The following DIP2A variants were observed in gnomAD, a reference collection of about 807,000 sequenced individuals.
DIP2A encodes disco-interacting protein 2 homolog A.
DIP2A carries 85 observed loss-of-function variants against 177.4 expected under a neutral mutation model. That is an observed-to-expected ratio of 0.48 (90% CI 0.40 to 0.57). The LOEUF is 0.57. Ranked by LOEUF, DIP2A falls within the 20% of genes least tolerant of loss-of-function variation. The pLI is 0.00. For missense variants in DIP2A, 1,791 were observed against 2,100.2 expected (o/e 0.85, Z 2.88); for synonymous variants, 886 against 881.8 (o/e 1.00, Z -0.08).
At chr21:46,573,177 G>A (rs7283908), downstream of DIP2A, among the ~76,000 whole-genome samples, 111,989 of 151,892 alleles carry the variant, frequency 0.74, 41,843 homozygotes, top group African/African-American at 0.86. Flanking sequence ...AGAAATGAAA[G>A]AGATATAAGG....
Position 46,551,926 on chromosome 21 carries a change from G to A in DIP2A, c.3030+22G>A, listed in dbSNP as rs200257829. 2.9e-4 allele frequency: 453 copies of A among 1,579,192 alleles called. 2 individuals are homozygous for A. The East Asian group carries it at 5.4e-3, about 19-fold the overall frequency. On this transcript the variant is annotated intron_variant, in intron 25 of 37. Transcript: ENST00000417564. ...CAAGGTGAGGCAGTGTCACGCCCAC[G>A]GGGCTTGGAAACACCTGTGGGCCGG...
intron 1 of DIP2A, among the ~76,000 whole-genome samples, chr21:46,479,532 T>G (rs2056180524): frequency 6.6e-6 from 1 of 152,124 alleles, no homozygotes; most frequent in Non-Finnish European, 1.5e-5. Flanking sequence ...AGCATAATAA[T>G]TTGCTTATTT....
chr21:46,536,828 T>C (rs2059593416), intron 13 of DIP2A, among the ~76,000 whole-genome samples: 1 of 151,102 alleles, frequency 6.6e-6, no homozygotes, highest in Admixed American at 6.6e-5. Context: ...TGCTTGAACC[T>C]GGGAGGCGGA....
intron 1 of DIP2A, among the ~76,000 whole-genome samples, chr21:46,482,651 A>G (rs193060018): frequency 1.3e-5 from 2 of 152,316 alleles, no homozygotes; most frequent in East Asian, 1.9e-4. Context: ...TCAAGCTTCC[A>G]TGCATGTTAT....
At chr21:46,465,607 G>A (rs2054751210) in intron 1 of DIP2A, among the ~76,000 whole-genome samples, 1 of 152,040 alleles carries the variant, frequency 6.6e-6, no homozygotes, top group Admixed American at 6.6e-5. Context: ...GAAAACTGCT[G>A]GGCACTTTAA....
chr21:46,509,303 G>C lies in DIP2A; in HGVS notation c.831G>C (p.Leu277=). The change falls in exon 7 of 38, where the codon CTG becomes CTC. Residue 277 remains leucine, a synonymous_variant. Transcript: ENST00000417564. Reference sequence around the variant, plus strand: ...TGTCCTCCAAAATCCAGCAGCTTCTGAACACCCTGAAGAGGCCAAAGCGCC... The same window carrying C: ...TGTCCTCCAAAATCCAGCAGCTTCTCAACACCCTGAAGAGGCCAAAGCGCC... The part of the protein sequence containing the change: ...SRVSSKIQQL[L]NTLKRPKRPP... The C allele has an allele frequency of 2.5e-6, 4 of 1,613,746 alleles. No homozygotes were observed. The highest frequency in any genetic ancestry group is 3.4e-6 in the Non-Finnish European group (4 of 1,179,800).
intron 5 of DIP2A, among the ~76,000 whole-genome samples, chr21:46,503,568 ATTTCTTCC>A (rs1172548533): frequency 1.1e-4 from 11 of 103,446 alleles, no homozygotes; most frequent in African/African-American, 3.2e-4. Context: ...CCTTGAGGGA[ATTTCTTCC>A]TTCCTTCCTT....
intron 28 of DIP2A, among the ~76,000 whole-genome samples, 176 bp downstream of exon 28, chr21:46,555,109 T>G (rs2060417558): frequency 6.6e-6 from 1 of 152,166 alleles, no homozygotes; most frequent in African/African-American, 2.4e-5. Flanking sequence ...CTGTCCCATG[T>G]GTAAACCCAC....
chr21:46,522,418 C>G (rs1001555902), intron 8 of DIP2A, among the ~76,000 whole-genome samples: 13 of 152,240 alleles, frequency 8.5e-5, no homozygotes, highest in Non-Finnish European at 1.9e-4. Flanking sequence ...GTTTCTGGAG[C>G]CTAATAAGCA....
downstream of DIP2A, among the ~76,000 whole-genome samples, chr21:46,574,268 A>C (rs147560016): frequency 0.011 from 1,673 of 152,292 alleles, 26 homozygotes; most frequent in Non-Finnish European, 0.016. Flanking sequence ...AAGAAATAAC[A>C]AGAAAAATTA....
At position 46,563,680 on chromosome 21, in the gene DIP2A, C is replaced by G; in HGVS notation, c.4090-178C>G. 1 of 1,193,208 alleles carries G rather than the reference C, an allele frequency of 8.4e-7. No homozygotes were observed. Among genetic ancestry groups the G allele is most frequent in the African/African-American group, 1.5e-5 (1 of 64,584 alleles). The allele number at this position is 1,193,208 out of a possible 1,614,324, so 73.9% of individuals were successfully genotyped here. On this transcript the variant is annotated intron_variant, in intron 34 of 37. Transcript: ENST00000417564. This position sits in a 1 kb window ranked among gnomAD's most constrained non-coding sequence, Gnocchi z 4.3. ...TCATTTTGCTTATTTCTATTAACAT[C>G]TCTTATTTCTTTCAAAATTCAAAGT...
chr21:46,498,511 T>C lies in DIP2A; in HGVS notation c.404-71T>C. ...TGCACACAGGTCTGGGAGGCTCCAG[T>C]GTGAGTGGGAACTCCGTCCTCCTCT... On this transcript the variant is annotated intron_variant, in intron 4 of 37. Transcript: ENST00000417564. The surrounding 1 kb of genome is among the most constrained non-coding windows in gnomAD (Gnocchi z 4.3). 6.5e-7 allele frequency: 1 copy of C among 1,537,680 alleles called. No homozygotes were observed. Among genetic ancestry groups the C allele is most frequent in the Non-Finnish European group, 8.8e-7 (1 of 1,138,508 alleles).
intron 8 of DIP2A, among the ~76,000 whole-genome samples, chr21:46,514,848 A>C (rs904763195): frequency 4.6e-5 from 7 of 151,974 alleles, no homozygotes; most frequent in African/African-American, 1.7e-4. Context: ...AAAAGTTGTT[A>C]TCATGAGTTG....
At position 46,554,896 on chromosome 21, in the gene DIP2A, C is replaced by T; in HGVS notation, c.3351C>T (p.Ala1117=). The change falls in exon 28 of 38, where the codon GCC becomes GCT. Residue 1117 remains alanine, a synonymous_variant. Coordinates refer to ENST00000417564, the MANE Select transcript of DIP2A (RefSeq NM_015151.4). The part of the protein sequence containing the change: ...RLLRSKEAAA[A]VDIRTWPTIL... Reference sequence around the variant, plus strand: ...TCAGGTCCAAGGAGGCTGCTGCTGCCGTGGACATCAGGACCTGGCCCACCA... The same window carrying T: ...TCAGGTCCAAGGAGGCTGCTGCTGCTGTGGACATCAGGACCTGGCCCACCA... 5 of 1,552,838 alleles carry T rather than the reference C, an allele frequency of 3.2e-6. No individual in the cohort carries two copies. The highest frequency in any genetic ancestry group is 4.4e-6 in the Non-Finnish European group (5 of 1,148,410).
At chr21:46,555,142 C>T (rs991134760) in intron 28 of DIP2A, among the ~76,000 whole-genome samples, 1 of 152,216 alleles carries the variant, frequency 6.6e-6, no homozygotes, top group Admixed American at 6.5e-5. Flanking sequence ...CCACAGCAGC[C>T]GCACCCAGTC....
chr21:46,541,569 C>T (rs563633222), intron 17 of DIP2A, among the ~76,000 whole-genome samples, 187 bp from the exon 18 acceptor site: 1 of 152,252 alleles, frequency 6.6e-6, no homozygotes, highest in East Asian at 1.9e-4. Context: ...AGTGGAGTGT[C>T]GACGTCACAT....
At position 46,557,464 on chromosome 21, in the gene DIP2A, G is replaced by A. The variant is rs759717768; in HGVS notation, c.3630-121G>A. 23 of 1,250,412 alleles carry A rather than the reference G, an allele frequency of 1.8e-5. No homozygotes were observed. Among genetic ancestry groups the A allele is most frequent in the Admixed American group, 1.3e-4 (5 of 38,502 alleles). The allele number at this position is 1,250,412 out of a possible 1,614,324, so 77.5% of individuals were successfully genotyped here. Reference sequence around the variant, plus strand: ...TTTCCACCAAACCCCCCCACTTGGCGTCAGAACAGAAATCATGCCCCTGTT... The same window carrying A: ...TTTCCACCAAACCCCCCCACTTGGCATCAGAACAGAAATCATGCCCCTGTT... On this transcript the variant is annotated intron_variant, in intron 30 of 37. Coordinates refer to ENST00000417564, the MANE Select transcript of DIP2A (RefSeq NM_015151.4). The surrounding 1 kb of genome is among the most constrained non-coding windows in gnomAD (Gnocchi z 6.0).
At chr21:46,482,404 A>C (rs2056409907) in intron 1 of DIP2A, among the ~76,000 whole-genome samples, 1 of 152,210 alleles carries the variant, frequency 6.6e-6, no homozygotes, top group Admixed American at 6.5e-5. Context: ...GTTTGTGGTG[A>C]TGCTGGTGTA....
In DIP2A at chr21:46,569,829, A is replaced by G. The variant is rs2060932023; in HGVS notation, c.*2207A>G. 2 of 152,240 alleles carry G rather than the reference A, an allele frequency of 1.3e-5. No homozygotes were observed. Among genetic ancestry groups the G allele is most frequent in the South Asian group, 2.1e-4 (1 of 4,830 alleles). 9.4% of individuals were successfully genotyped at this position (152,240 alleles called of 1,614,324 possible). A position where few individuals can be genotyped will look rare whatever the true frequency, so the allele number is the denominator to read the frequency against. ...TTATAGCATAAAATCTAGAAAGCACATTAAAGTATAAAGAAAATTAAAATT... is the reference window on the plus strand; with the variant it reads ...TTATAGCATAAAATCTAGAAAGCACGTTAAAGTATAAAGAAAATTAAAATT... On this transcript the variant is annotated 3_prime_UTR_variant, in exon 38 of 38. Coordinates refer to ENST00000417564, the MANE Select transcript of DIP2A (RefSeq NM_015151.4).
Sources: gnomAD v4.1 joint callset for allele counts (sites outside exome capture counted in the v4.1 genomes callset) on GRCh38, gnomAD v4.1.1 for gene constraint, Gnocchi (gnomAD v3.1) non-coding constraint, MANE v1.5 for transcripts, NCBI Gene and HGNC (gene_info 2026-07-23, HGNC 2026-07-21) for gene names.